The following ZNF432 variants were observed in gnomAD, a reference collection of about 807,000 sequenced individuals.
The protein encoded by ZNF432 is zinc finger protein 432.
Under a neutral mutation model 13.9 loss-of-function variants are expected in ZNF432, and 10 were observed. That is an observed-to-expected ratio of 0.72 (90% CI 0.44 to 1.22). The LOEUF (loss-of-function observed/expected upper bound fraction) is 1.22. ZNF432 is among the 50% of genes most tolerant of loss of function. ZNF432 has a pLI of 0.00. For synonymous variants in ZNF432, 247 were observed against 256.2 expected (o/e 0.96, Z 0.34); for missense variants, 793 against 796.2 (o/e 1.00, Z 0.05).
At chr19:52,039,870 G>T (rs1179791943) in intron 4 of ZNF432, among the ~76,000 whole-genome samples, 1 of 149,724 alleles carries the variant, frequency 6.7e-6, no homozygotes, top group East Asian at 1.9e-4. Context: ...AAAGAAAGTA[G>T]ATTAGTGATT....
At chr19:52,041,886 G>A (rs1386801963) in intron 2 of ZNF432, among the ~76,000 whole-genome samples, 5 of 152,142 alleles carry the variant, frequency 3.3e-5, no homozygotes, top group Admixed American at 1.3e-4. Flanking sequence ...AGTCAAGAAA[G>A]TATATGCTAC....
Position 52,046,987 on chromosome 19 carries a change from A to T in ZNF432, c.-119T>A. 9.9e-7 allele frequency: 1 copy of T among 1,005,264 alleles called. No individual in the cohort carries two copies. Among genetic ancestry groups the T allele is most frequent in the Non-Finnish European group, 1.5e-6 (1 of 674,150 alleles). 62.3% of individuals were successfully genotyped at this position (1,005,264 alleles called of 1,614,324 possible). ...CCAGTGAAGGGTGTCCACAGAAATC[A>T]TATCTAGGTCCTGGAATCTTCCTCT... On this transcript the variant is annotated 5_prime_UTR_variant, in exon 2 of 5. It removes an upstream start codon present in the reference 5' UTR. Transcript: ENST00000221315.
intron 2 of ZNF432, among the ~76,000 whole-genome samples, chr19:52,042,827 CACATATA>C (rs1300411075): frequency 6.6e-6 from 1 of 152,040 alleles, no homozygotes; most frequent in Non-Finnish European, 1.5e-5. Context: ...ACATCAGATG[CACATATA>C]ACATTATGCA....
chr19:52,043,800 C>T (rs1323199782), intron 2 of ZNF432, among the ~76,000 whole-genome samples: 1 of 152,218 alleles, frequency 6.6e-6, no homozygotes, highest in Non-Finnish European at 1.5e-5. Flanking sequence ...AAGCACAGCA[C>T]TTAATCCTTT....
intron 2 of ZNF432, among the ~76,000 whole-genome samples, chr19:52,045,792 C>A (rs796156535): frequency 1.3e-5 from 2 of 150,786 alleles, no homozygotes; most frequent in African/African-American, 2.4e-5. Context: ...GTCAGGAGTT[C>A]GAGACCAGCC....
At chr19:52,040,408 C>G in intron 4 of ZNF432, 80 bp downstream of exon 4, 2 of 1,228,868 alleles carry the variant, frequency 1.6e-6, no homozygotes, top group Non-Finnish European at 2.4e-6. Flanking sequence ...GTAGGCACTG[C>G]TTCTGTGTCC....
chr19:52,045,505 C>A (rs1179610342), intron 2 of ZNF432, among the ~76,000 whole-genome samples: 6 of 151,102 alleles, frequency 4.0e-5, no homozygotes, highest in Non-Finnish European at 8.9e-5. Flanking sequence ...TACAGGCATG[C>A]GCCACCACAC....
intron 2 of ZNF432, among the ~76,000 whole-genome samples, chr19:52,043,575 T>C (rs2123159007): frequency 6.6e-6 from 1 of 151,910 alleles, no homozygotes; most frequent in African/African-American, 2.4e-5. Context: ...TGAGGAGGAT[T>C]AGTATAAGAG....
In ZNF432 at chr19:52,040,594, G is replaced by T. The variant is rs1273914471; in HGVS notation, c.143-11C>A. Reference sequence around the variant, plus strand: ...TGCTGACTTGATAACCTGTTTACGGGAAATAATAGAAGACAGACACACTGG... The same window carrying T: ...TGCTGACTTGATAACCTGTTTACGGTAAATAATAGAAGACAGACACACTGG... On this transcript the variant is annotated splice_polypyrimidine_tract_variant and intron_variant, in intron 3 of 4. Coordinates refer to ENST00000221315, the MANE Select transcript of ZNF432 (RefSeq NM_014650.4). The T allele has an allele frequency of 1.2e-6, 2 of 1,610,576 alleles. No individual in the cohort carries two copies. The highest frequency in any genetic ancestry group is 8.5e-7 in the Non-Finnish European group (1 of 1,177,002).
At chr19:52,039,702 G>C (rs139702448) in intron 4 of ZNF432, among the ~76,000 whole-genome samples, 1 of 151,644 alleles carries the variant, frequency 6.6e-6, no homozygotes, top group African/African-American at 2.4e-5. Context: ...GATGGTGCGC[G>C]CCTGTAATCC....
chr19:52,048,828 G>A lies in ZNF432; in HGVS notation c.-326C>T, dbSNP rs990505344. 1 of 152,336 alleles carries A rather than the reference G, an allele frequency of 6.6e-6. No individual in the cohort carries two copies. The highest frequency in any genetic ancestry group is 2.4e-5 in the African/African-American group (1 of 41,460). The allele number at this position is 152,336 out of a possible 1,614,324, so 9.4% of individuals were successfully genotyped here. A position where few individuals can be genotyped will look rare whatever the true frequency, so the allele number is the denominator to read the frequency against. On this transcript the variant is annotated 5_prime_UTR_variant, in exon 1 of 5. Transcript: ENST00000221315. ...AGACGGTCAGCCGCGTTTCCATGGA[G>A]AGCGGAATGCGGCCTTCCGGCTTTT...
In ZNF432 at chr19:52,041,364, G is replaced by A. The variant is rs2087134911; in HGVS notation, c.142+116C>T. 28 of 1,342,538 alleles carry A rather than the reference G, an allele frequency of 2.1e-5. No individual in the cohort carries two copies. The South Asian group carries it at 3.6e-4, about 17-fold the overall frequency. 83.2% of individuals were successfully genotyped at this position (1,342,538 alleles called of 1,614,324 possible). On this transcript the variant is annotated intron_variant, in intron 3 of 4. Transcript: ENST00000221315. Reference sequence around the variant, plus strand: ...TATATCCTTTTATCAGAAGCCAGAGGATGTGCCAAAAATCTAATATTCAGA... The same window carrying A: ...TATATCCTTTTATCAGAAGCCAGAGAATGTGCCAAAAATCTAATATTCAGA...
intron 2 of ZNF432, among the ~76,000 whole-genome samples, chr19:52,045,506 G>A (rs893258815): frequency 1.5e-4 from 22 of 151,234 alleles, no homozygotes; most frequent in African/African-American, 3.9e-4. Flanking sequence ...ACAGGCATGC[G>A]CCACCACACC....
intron 1 of ZNF432, 199 bp from the exon 2 acceptor site, chr19:52,047,259 A>T (rs1018044596): frequency 2.5e-5 from 6 of 239,102 alleles, no homozygotes; most frequent in African/African-American, 1.3e-4. Context: ...CATCATGCCT[A>T]AGCAGTAGGT....
chr19:52,035,300 G>C lies in ZNF432; in HGVS notation c.379C>G (p.His127Asp). The change falls in exon 5 of 5, where the codon CAT (histidine) becomes GAT (aspartate). Residue 127 changes from histidine (H) to aspartate (D), a missense_variant. By Grantham distance (81) the His-to-Asp change is moderately conservative. Coordinates refer to ENST00000221315, the MANE Select transcript of ZNF432 (RefSeq NM_014650.4). ...TTTATATATAACTCAAATGTATCAT[G>C]ATTTTCCCTGAAAAGACAAAGGCTT... is the stretch of plus-strand genomic sequence containing the variant. ...TKSLCLFREN[H>D]DTFELYIKTL... 6.2e-7 allele frequency: 1 copy of C among 1,611,580 alleles called. No homozygotes were observed. Among genetic ancestry groups the C allele is most frequent in the Non-Finnish European group, 8.5e-7 (1 of 1,179,436 alleles).
At position 52,033,686 on chromosome 19, in the gene ZNF432, T is replaced by C; in HGVS notation, c.*34A>G. ...CTCTGATGTTGTACAAGGCAGATTT[T>C]CTTCCCAAAGGCATGAACATGTCCA... On this transcript the variant is annotated 3_prime_UTR_variant, in exon 5 of 5. Coordinates refer to ENST00000221315, the MANE Select transcript of ZNF432 (RefSeq NM_014650.4). The C allele has an allele frequency of 6.5e-7, 1 of 1,533,494 alleles. No homozygotes were observed. Among genetic ancestry groups the C allele is most frequent in the Non-Finnish European group, 8.7e-7 (1 of 1,145,308 alleles). The allele number at this position is 1,533,494 out of a possible 1,614,324, so 95.0% of individuals were successfully genotyped here.
In ZNF432 at chr19:52,035,408, G is replaced by C. The variant is rs994563195; in HGVS notation, c.271C>G (p.His91Asp). Residue 91 changes from histidine to aspartate, a missense_variant, in exon 5 of 5, where the codon CAC becomes GAC. His to Asp is a moderately conservative substitution (Grantham distance 81). Coordinates refer to ENST00000221315, the MANE Select transcript of ZNF432 (RefSeq NM_014650.4). ...TTCAGCATCCTTTGATTTTCCAAGTGATCCTGCAGATGATCATCAACTTCG... is the reference window on the plus strand; with the variant it reads ...TTCAGCATCCTTTGATTTTCCAAGTCATCCTGCAGATGATCATCAACTTCG... ...NNEVDDHLQD[H>D]LENQRMLKSV... 1.3e-6 allele frequency: 2 copies of C among 1,561,658 alleles called. No individual in the cohort carries two copies. Among genetic ancestry groups the C allele is most frequent in the Non-Finnish European group, 1.7e-6 (2 of 1,160,296 alleles).
chr19:52,036,726 A>G (rs2087084849), intron 4 of ZNF432, among the ~76,000 whole-genome samples: 1 of 152,046 alleles, frequency 6.6e-6, no homozygotes, highest in South Asian at 2.1e-4. Flanking sequence ...GCTGGCATGC[A>G]GTGGCACAAT....
intron 4 of ZNF432, 124 bp downstream of exon 4, chr19:52,040,364 T>G: frequency 3.6e-6 from 3 of 825,922 alleles, no homozygotes; most frequent in Admixed American, 1.9e-5. Context: ...TGGGAAGGGT[T>G]TCTTGTGGAG....
Sources: gnomAD v4.1 joint callset for allele counts (sites outside exome capture counted in the v4.1 genomes callset) on GRCh38, gnomAD v4.1.1 for gene constraint, MANE v1.5 for transcripts, NCBI Gene and HGNC (gene_info 2026-07-23, HGNC 2026-07-21) for gene names.